Variants in IFT25 observed in about 807,000 individuals in gnomAD.
IFT25 encodes intraflagellar transport 25, also known as intraflagellar transport protein 25 homolog.
At chr1:53,915,842 G>C in the IFT25 span, among the ~76,000 whole-genome samples, 1 of 152,160 alleles carries the variant, frequency 6.6e-6, no homozygotes, top group African/African-American at 2.4e-5. Context: ...GTGGAGAAAA[G>C]GCCACATGAA....
chr1:53,943,170 T>A, the IFT25 span, among the ~76,000 whole-genome samples: 1 of 152,186 alleles, frequency 6.6e-6, no homozygotes, highest in African/African-American at 2.4e-5. Context: ...TCGTTCAAAG[T>A]AAAGATTTTA....
the IFT25 span, among the ~76,000 whole-genome samples, chr1:53,917,670 T>C: frequency 6.6e-6 from 1 of 151,518 alleles, no homozygotes. Flanking sequence ...CTACTAAAAA[T>C]ACAAAAATTG....
At chr1:53,911,795 G>C in the IFT25 span, among the ~76,000 whole-genome samples, 11 of 152,208 alleles carry the variant, frequency 7.2e-5, no homozygotes, top group Admixed American at 2.0e-4. Flanking sequence ...AAGCTGCCTT[G>C]GTATCTTGAC....
At chr1:53,920,494 G>A in the IFT25 span, among the ~76,000 whole-genome samples, 1 of 151,232 alleles carries the variant, frequency 6.6e-6, no homozygotes. Context: ...AATGTCCCAG[G>A]CTAATCTTGT....
At chr1:53,943,425 T>C in the IFT25 span, among the ~76,000 whole-genome samples, 2 of 151,776 alleles carry the variant, frequency 1.3e-5, no homozygotes, top group South Asian at 4.2e-4. Context: ...GGTGTAGATT[T>C]TGGCCTCCAA....
At chr1:53,933,474 G>A in the IFT25 span, among the ~76,000 whole-genome samples, 11 of 152,176 alleles carry the variant, frequency 7.2e-5, no homozygotes, top group African/African-American at 2.2e-4. Context: ...ACACTATAAC[G>A]TGTCCCCTTT....
chr1:53,915,228 C>CA, the IFT25 span, among the ~76,000 whole-genome samples: 7 of 152,004 alleles, frequency 4.6e-5, no homozygotes, highest in Non-Finnish European at 1.0e-4. Flanking sequence ...TGAGCAGAAG[C>CA]AAAAAAACCC....
chr1:53,941,234 C>G, the IFT25 span, among the ~76,000 whole-genome samples: 3 of 151,986 alleles, frequency 2.0e-5, no homozygotes, highest in African/African-American at 7.3e-5. Context: ...ACCTTGTGAT[C>G]CACCCACCTC....
the IFT25 span, among the ~76,000 whole-genome samples, chr1:53,931,469 T>C: frequency 1.3e-5 from 2 of 152,244 alleles, no homozygotes; most frequent in African/African-American, 4.8e-5. Flanking sequence ...TTGGGAAATG[T>C]TTCCTTCTCT....
the IFT25 span, among the ~76,000 whole-genome samples, chr1:53,925,929 CTG>C: frequency 5.7e-3 from 864 of 151,718 alleles, 9 homozygotes; most frequent in African/African-American, 0.02. Flanking sequence ...GGTGAAAACT[CTG>C]TCTCTACCAA....
At chr1:53,929,865 C>CA in the IFT25 span, 6 of 1,087,436 alleles carry the variant, frequency 5.5e-6, no homozygotes, top group East Asian at 1.9e-4. Context: ...CCCATCCTTT[C>CA]ACCCCAGCAA....
At chr1:53,927,090 A>G in the IFT25 span, among the ~76,000 whole-genome samples, 2 of 152,128 alleles carry the variant, frequency 1.3e-5, no homozygotes, top group South Asian at 2.1e-4. Context: ...TCTATCCTCT[A>G]CATTTCTTAT....
chr1:53,938,238 T>C, the IFT25 span, among the ~76,000 whole-genome samples: 3 of 152,372 alleles, frequency 2.0e-5, no homozygotes, highest in African/African-American at 7.2e-5. Flanking sequence ...TATATATACA[T>C]ATATATGTGT....
chr1:53,936,095 T>TAA, the IFT25 span, among the ~76,000 whole-genome samples: 6 of 142,294 alleles, frequency 4.2e-5, no homozygotes, highest in African/African-American at 1.5e-4. Context: ...CCCTGTCTCT[T>TAA]AAAAAAAAAA....
chr1:53,917,759 A>C, the IFT25 span, among the ~76,000 whole-genome samples: 1 of 152,042 alleles, frequency 6.6e-6, no homozygotes, highest in African/African-American at 2.4e-5. Context: ...CCCAGGAGGC[A>C]CAGGTTGCAG....
the IFT25 span, among the ~76,000 whole-genome samples, chr1:53,919,801 T>C: frequency 6.6e-6 from 1 of 151,958 alleles, no homozygotes; most frequent in Non-Finnish European, 1.5e-5. Flanking sequence ...TTTTCCTTTT[T>C]TTTTTTGAGA....
the IFT25 span, chr1:53,921,852 G>T: frequency 1.3e-6 from 1 of 791,768 alleles, no homozygotes; most frequent in Non-Finnish European, 2.2e-6. Flanking sequence ...ACAGCTTGAT[G>T]CAAGAGTAAT....
chr1:53,933,590 ATTTTC>A, the IFT25 span, among the ~76,000 whole-genome samples: 1 of 152,036 alleles, frequency 6.6e-6, no homozygotes, highest in Non-Finnish European at 1.5e-5. Flanking sequence ...TCATCCTTTT[ATTTTC>A]AACTATTCAT....
At chr1:53,937,117 TA>T in the IFT25 span, among the ~76,000 whole-genome samples, 1 of 152,134 alleles carries the variant, frequency 6.6e-6, no homozygotes, top group Non-Finnish European at 1.5e-5. Context: ...GAACAGAAAA[TA>T]ACTTTTGGTT....
Sources: allele counts gnomAD v4.1 joint callset (sites outside exome capture counted in the v4.1 genomes callset), GRCh38; gene constraint gnomAD v4.1.1; transcripts MANE v1.5; gene names NCBI Gene and HGNC (gene_info 2026-07-23, HGNC 2026-07-21).